Variants in INTS4 observed in about 807,000 individuals in gnomAD.
INTS4 encodes MSTP093.
Under a neutral mutation model 119.5 loss-of-function variants are expected in INTS4, and 70 were observed. The observed-to-expected ratio is 0.59, with a 90% CI of 0.48 to 0.71. INTS4 has a LOEUF of 0.71. Among genes scored for constraint, INTS4 ranks in the 30% least tolerant of loss-of-function variants. The pLI, the probability that INTS4 is intolerant of heterozygous loss-of-function variation, is 0.00. For synonymous variants in INTS4, 316 were observed against 419.6 expected (o/e 0.75, Z 3.02); for missense variants, 867 against 1,173.2 (o/e 0.74, Z 3.81).
rs549287015 is a variant in INTS4 at position 77,883,945 on chromosome 11, T to C, written c.2600A>G (p.Tyr867Cys). 1.9e-6 allele frequency: 3 copies of C among 1,612,854 alleles called. No homozygotes were observed. The highest frequency in any genetic ancestry group is 3.3e-5 in the Admixed American group (2 of 59,860). The change falls in exon 22 of 23, where the codon TAT becomes TGT. Residue 867 changes from tyrosine to cysteine, a missense_variant. Physicochemically the swap from Tyr to Cys is radical, Grantham distance 194 (BLOSUM62 -2). Coordinates refer to ENST00000534064, the MANE Select transcript of INTS4 (RefSeq NM_033547.4). ...PQNTVKVQVLYPDGQAQMIHP... is the reference protein window; with the variant it reads ...PQNTVKVQVLCPDGQAQMIHP... ...AATCATCTGAGCCTGGCCATCTGGA[T>C]ATAAGACCTAAAGGGTGACAGAAAT...
At chr11:77,920,258 C>CATACATATACAT (rs1953322328) in intron 14 of INTS4, among the ~76,000 whole-genome samples, 1 of 142,498 alleles carries the variant, frequency 7.0e-6, no homozygotes, top group African/African-American at 2.6e-5. Context: ...TACATATATA[C>CATACATATACAT]ATATATACAC....
chr11:77,884,844 T>C, intron 21 of INTS4: 2 of 382,934 alleles, frequency 5.2e-6, no homozygotes, highest in Admixed American at 2.6e-5. Flanking sequence ...AGCCTCAAAC[T>C]CCTGGGCGCA....
intron 15 of INTS4, among the ~76,000 whole-genome samples, chr11:77,908,795 T>A (rs1953023244): frequency 6.6e-6 from 1 of 152,140 alleles, no homozygotes; most frequent in African/African-American, 2.4e-5. Flanking sequence ...TTTCCGAGTT[T>A]TTAAGACAAT....
chr11:77,984,915 A>AG (rs1157155335), intron 2 of INTS4, among the ~76,000 whole-genome samples: 3 of 496 alleles, frequency 6.0e-3, no homozygotes, highest in Non-Finnish European at 0.016. Context: ...AATGTAAATG[A>AG]AAAAAAAAAA....
At chr11:77,945,341 C>T (rs1333669279) in intron 8 of INTS4, among the ~76,000 whole-genome samples, 2 of 152,138 alleles carry the variant, frequency 1.3e-5, no homozygotes, top group Admixed American at 1.3e-4. Context: ...AGAGTGGGAG[C>T]CCACCTTGTC....
intron 14 of INTS4, among the ~76,000 whole-genome samples, chr11:77,920,182 T>TATATACATATATATAC (rs1953307295): frequency 1.0e-5 from 1 of 98,098 alleles, no homozygotes; most frequent in East Asian, 2.5e-4. Context: ...CATATACATA[T>TATATACATATATATAC]ACACATATAT....
At chr11:77,900,707 G>A (rs1284367268) in intron 18 of INTS4, 8 of 675,344 alleles carry the variant, frequency 1.2e-5, no homozygotes, top group Non-Finnish European at 1.9e-5. Flanking sequence ...AAAACACTAT[G>A]GGACACCATC....
intron 4 of INTS4, chr11:77,977,879 T>G (rs1856013209): frequency 1.3e-5 from 2 of 150,836 alleles, no homozygotes; most frequent in Admixed American, 1.3e-4. Flanking sequence ...ATTTAAGCTG[T>G]TTTTTTTGTT....
At chr11:77,944,527 CT>C (rs1954002297) in intron 8 of INTS4, among the ~76,000 whole-genome samples, 1 of 152,220 alleles carries the variant, frequency 6.6e-6, no homozygotes, top group African/African-American at 2.4e-5. Flanking sequence ...GGTTGGTGCT[CT>C]TTCCTACCAG....
At chr11:77,921,533 C>A (rs1307780558) in intron 13 of INTS4, 60 bp from the exon 14 acceptor site, 1 of 1,098,578 alleles carries the variant, frequency 9.1e-7, no homozygotes, top group East Asian at 2.4e-5. Flanking sequence ...GATTCTGGCA[C>A]TCTCACTTTC....
rs534107237 is a variant in INTS4, at chr11:77,907,740, G to T, written c.1993C>A (p.Arg665Ser). The T allele has an allele frequency of 6.2e-7, 1 of 1,613,548 alleles. No individual in the cohort carries two copies. Among genetic ancestry groups the T allele is most frequent in the Non-Finnish European group, 8.5e-7 (1 of 1,179,608 alleles). ...GVADFSATYL[R>S]CQLLLIKALQ... ...ACCTTGATGAGAAGTAGTTGACAGC[G>T]AAGATAGGTGGCAGAGAAATCAGCT... The change falls in exon 16 of 23, where the codon CGC (arginine) becomes AGC (serine). Residue 665 changes from arginine (R) to serine (S), a missense_variant. Arg to Ser is a moderately radical substitution (Grantham distance 110). This residue lies in a region of INTS4 where 262 missense variants were observed against 376.0 expected (regional missense o/e 0.70). Transcript: ENST00000534064.
intron 4 of INTS4, among the ~76,000 whole-genome samples, chr11:77,972,831 G>GT (rs36016105): frequency 0.015 from 2,151 of 141,562 alleles, 40 homozygotes; most frequent in African/African-American, 0.042. Flanking sequence ...TCTTTTGTGG[G>GT]TTTTTTTTTT....
intron 21 of INTS4, among the ~76,000 whole-genome samples, chr11:77,887,338 T>A (rs1271257597): frequency 6.6e-6 from 1 of 152,304 alleles, no homozygotes; most frequent in African/African-American, 2.4e-5. Context: ...ATTATCTCAA[T>A]AGAGGCAGAA....
chr11:77,972,680 G>A (rs951075161), intron 4 of INTS4, among the ~76,000 whole-genome samples: 1 of 152,070 alleles, frequency 6.6e-6, no homozygotes, highest in African/African-American at 2.4e-5. Context: ...GCCTCCCAAA[G>A]TGCTAGGATT....
chr11:77,887,271 C>T (rs1401857243), intron 21 of INTS4, among the ~76,000 whole-genome samples: 15 of 152,082 alleles, frequency 9.9e-5, no homozygotes, highest in East Asian at 3.9e-4. Flanking sequence ...GTTCAACATA[C>T]GAAAATCAAT....
intron 4 of INTS4, among the ~76,000 whole-genome samples, chr11:77,966,380 C>T (rs1401938423): frequency 1.3e-5 from 2 of 152,192 alleles, no homozygotes; most frequent in African/African-American, 2.4e-5. Context: ...TTGCCCAGAT[C>T]AATGCCACAG....
At chr11:77,884,233 T>C (rs1951901585) in intron 21 of INTS4, among the ~76,000 whole-genome samples, 1 of 152,186 alleles carries the variant, frequency 6.6e-6, no homozygotes, top group Non-Finnish European at 1.5e-5. Flanking sequence ...ATTCTTATTA[T>C]GAAAAGTGTT....
intron 8 of INTS4, among the ~76,000 whole-genome samples, chr11:77,946,642 T>A (rs1355333503): frequency 6.6e-6 from 1 of 151,644 alleles, no homozygotes; most frequent in Non-Finnish European, 1.5e-5. Context: ...GCGCCTGTAG[T>A]CCTAGCTACT....
intron 10 of INTS4, among the ~76,000 whole-genome samples, chr11:77,935,997 T>A (rs1037438067): frequency 1.3e-5 from 2 of 151,684 alleles, no homozygotes; most frequent in Non-Finnish European, 2.9e-5. Context: ...GGCTAAATGC[T>A]ACTCTAATCC....
Sources: allele counts gnomAD v4.1 joint callset (sites outside exome capture counted in the v4.1 genomes callset), GRCh38; gene constraint gnomAD v4.1.1; regional missense constraint gnomAD v4.1.1; transcripts MANE v1.5; gene names NCBI Gene and HGNC (gene_info 2026-07-23, HGNC 2026-07-21).